The following ST6GALNAC5 variants were observed in gnomAD, a reference collection of about 807,000 sequenced individuals.
ST6GALNAC5 encodes the protein ST6 N-acetylgalactosaminide alpha-2,6-sialyltransferase 5.
Under a neutral mutation model 33.6 loss-of-function variants are expected in ST6GALNAC5, and 27 were observed. The ratio of observed to expected loss-of-function variants is 0.80; its 90% CI spans 0.59 to 1.11. The LOEUF is 1.11. Ranked by LOEUF, ST6GALNAC5 falls within the 50% of genes least tolerant of loss-of-function variation. ST6GALNAC5 has a pLI of 0.00. For synonymous variants in ST6GALNAC5, 194 were observed against 171.2 expected, an observed-to-expected ratio of 1.13 and a Z score of -1.04; for missense variants, 428 against 454.0, an observed-to-expected ratio of 0.94 and a Z score of 0.52.
At chr1:77,059,831 T>C (rs1296718439) in intron 4 of ST6GALNAC5, among the ~76,000 whole-genome samples, 2 of 152,222 alleles carry the variant, frequency 1.3e-5, no homozygotes, top group African/African-American at 2.4e-5. Context: ...AAATGCTGTT[T>C]CTTCTCCTCC....
intron 2 of ST6GALNAC5, among the ~76,000 whole-genome samples, chr1:76,948,345 T>G (rs1397311197): frequency 6.6e-6 from 1 of 152,134 alleles, no homozygotes; most frequent in Non-Finnish European, 1.5e-5. Context: ...TCCCTTAAGC[T>G]CATCTGGCTT....
rs935061654 is a variant in ST6GALNAC5, at chr1:76,997,627, A to G, written c.262-46577A>G. On this transcript the variant is annotated intron_variant, in intron 2 of 4. Coordinates refer to ENST00000477717, the MANE Select transcript of ST6GALNAC5 (RefSeq NM_030965.3). ...AGATCCAATGTTTTCTTTCCATGTTATACTAAAGAAATAAAACTTAATGTC... is the reference window on the plus strand; with the variant it reads ...AGATCCAATGTTTTCTTTCCATGTTGTACTAAAGAAATAAAACTTAATGTC... Among the ~76,000 whole-genome samples the G allele has an allele frequency of 8.5e-5, 13 of 152,320 alleles. No individual in the cohort carries two copies. The South Asian group carries it at 1.9e-3, about 22-fold the overall frequency.
intron 2 of ST6GALNAC5, among the ~76,000 whole-genome samples, chr1:77,020,579 C>G (rs1651015888): frequency 6.6e-6 from 1 of 152,020 alleles, no homozygotes; most frequent in Non-Finnish European, 1.5e-5. Flanking sequence ...TTTTGTATTT[C>G]TTTTAGAGAT....
intron 2 of ST6GALNAC5, among the ~76,000 whole-genome samples, chr1:77,020,601 A>G (rs1268459815): frequency 6.6e-6 from 1 of 152,054 alleles, no homozygotes; most frequent in East Asian, 1.9e-4. Flanking sequence ...AGGTCTTGCC[A>G]TGTTGCCCAG....
chr1:77,054,831 C>T (rs1000819556), intron 4 of ST6GALNAC5, among the ~76,000 whole-genome samples: 3 of 152,016 alleles, frequency 2.0e-5, no homozygotes, highest in Non-Finnish European at 2.9e-5. Flanking sequence ...AATTGTACCC[C>T]CTAAAAGTAT....
chr1:76,871,628 G>A (rs1653506574), intron 2 of ST6GALNAC5, among the ~76,000 whole-genome samples: 1 of 152,188 alleles, frequency 6.6e-6, no homozygotes, highest in African/African-American at 2.4e-5. Context: ...AAATCACTGT[G>A]TGCTTTTGTT....
intron 4 of ST6GALNAC5, among the ~76,000 whole-genome samples, chr1:77,060,977 A>G (rs922039804): frequency 5.9e-5 from 9 of 152,200 alleles, no homozygotes; most frequent in African/African-American, 2.2e-4. Flanking sequence ...ATATGGGAAG[A>G]TATGTCTCAC....
In ST6GALNAC5 at chr1:77,063,553, A is replaced by C; in HGVS notation, c.*347A>C. 1 of 268,498 alleles carries C rather than the reference A, an allele frequency of 3.7e-6. No homozygotes were observed. The highest frequency in any genetic ancestry group is 7.2e-6 in the Non-Finnish European group (1 of 138,822). 16.6% of individuals were successfully genotyped at this position (268,498 alleles called of 1,614,324 possible). ...TCAACAATATTAGTTGCATTCCTTT[A>C]TAGACATACCATGTCAAAGACGTTT... is the stretch of plus-strand genomic sequence containing the variant. On this transcript the variant is annotated 3_prime_UTR_variant, in exon 5 of 5. Coordinates refer to ENST00000477717, the MANE Select transcript of ST6GALNAC5 (RefSeq NM_030965.3).
At chr1:76,988,351 G>A (rs1017446271) in intron 2 of ST6GALNAC5, among the ~76,000 whole-genome samples, 1 of 151,596 alleles carries the variant, frequency 6.6e-6, no homozygotes, top group Non-Finnish European at 1.5e-5. Flanking sequence ...TCACTCTATG[G>A]TCAGTTATCT....
intron 4 of ST6GALNAC5, among the ~76,000 whole-genome samples, chr1:77,060,455 G>A (rs924782864): frequency 1.3e-5 from 2 of 152,134 alleles, no homozygotes; most frequent in Admixed American, 6.5e-5. Context: ...CTTTCTAAAT[G>A]GCATAGTGAA....
rs114655690 is a variant in ST6GALNAC5 at position 76,904,932 on chromosome 1, A to G, written c.261+36190A>G. Among the ~76,000 whole-genome samples the G allele has an allele frequency of 9.5e-3, 1,442 of 152,338 alleles. 7 individuals carry two copies. Among genetic ancestry groups the G allele is most frequent in the Non-Finnish European group, 0.016 (1,071 of 68,038 alleles). On this transcript the variant is annotated intron_variant, in intron 2 of 4. Transcript: ENST00000477717. ...CTATGCTGTAGGAAGACAGATTAGT[A>G]TATATCCTTGTGGGGGGCTGTGAAT...
At chr1:76,930,256 A>G (rs1222517149) in intron 2 of ST6GALNAC5, among the ~76,000 whole-genome samples, 2 of 152,128 alleles carry the variant, frequency 1.3e-5, no homozygotes, top group Non-Finnish European at 2.9e-5. Context: ...TGTTATGAGG[A>G]TAGTTTATAT....
intron 2 of ST6GALNAC5, among the ~76,000 whole-genome samples, chr1:77,028,817 A>C (rs1055294109): frequency 6.6e-6 from 1 of 152,220 alleles, no homozygotes; most frequent in Non-Finnish European, 1.5e-5. Flanking sequence ...TCCCAAAGTC[A>C]ACAGTTGGTA....
intron 2 of ST6GALNAC5, among the ~76,000 whole-genome samples, chr1:77,026,717 C>G (rs1651251253): frequency 6.6e-6 from 1 of 152,204 alleles, no homozygotes; most frequent in Admixed American, 6.5e-5. Flanking sequence ...GAGATTCAGC[C>G]TCATTAGCTG....
At chr1:77,039,481 T>A (rs909456013) in intron 2 of ST6GALNAC5, among the ~76,000 whole-genome samples, 1 of 152,204 alleles carries the variant, frequency 6.6e-6, no homozygotes, top group Non-Finnish European at 1.5e-5. Flanking sequence ...CTTTGTGGCA[T>A]CTTTAGCAAG....
chr1:76,948,310 T>C (rs1647602300), intron 2 of ST6GALNAC5, among the ~76,000 whole-genome samples: 1 of 152,120 alleles, frequency 6.6e-6, no homozygotes, highest in Non-Finnish European at 1.5e-5. Flanking sequence ...CTTACCACTG[T>C]CTCTGCTGCG....
Position 77,044,602 on chromosome 1 carries a change from T to A in ST6GALNAC5, c.660T>A (p.Thr220=), listed in dbSNP as rs772903418. 6.4e-6 allele frequency: 10 copies of A among 1,551,900 alleles called. No individual in the cohort carries two copies. Among genetic ancestry groups the A allele is most frequent in the Non-Finnish European group, 8.7e-6 (10 of 1,145,098 alleles). ...TTGATGAGCTCTTCAAGCAGGAGAC[T>A]GGCAAAGACAGGTACAAAGGCACAG... ...LQFDELFKQE[T]GKDRKISNTW... Residue 220 remains threonine, a synonymous_variant, in exon 3 of 5, where the codon ACT becomes ACA. Transcript: ENST00000477717.
chr1:76,985,212 A>T (rs897564956), intron 2 of ST6GALNAC5, among the ~76,000 whole-genome samples: 2 of 152,210 alleles, frequency 1.3e-5, no homozygotes, highest in Admixed American at 1.3e-4. Flanking sequence ...TTAGGAAAAG[A>T]GGAAGTCAAA....
intron 2 of ST6GALNAC5, among the ~76,000 whole-genome samples, chr1:76,954,657 G>T (rs1369864362): frequency 6.6e-6 from 1 of 152,102 alleles, no homozygotes; most frequent in East Asian, 1.9e-4. Context: ...TAAAACTCAG[G>T]TTTGAAACTC....
Sources: gnomAD v4.1 joint callset for allele counts (sites outside exome capture counted in the v4.1 genomes callset) on GRCh38, gnomAD v4.1.1 for gene constraint, MANE v1.5 for transcripts, NCBI Gene and HGNC (gene_info 2026-07-23, HGNC 2026-07-21) for gene names.